The following SH3BGRL2 variants were observed in gnomAD, a reference collection of about 807,000 sequenced individuals.
SH3BGRL2 encodes SH3 domain binding glutamate rich protein like 2.
Under a neutral mutation model 14.8 loss-of-function variants are expected in SH3BGRL2, and 21 were observed. The ratio of observed to expected loss-of-function variants is 1.42; its 90% CI spans 1.01 to 2.05. SH3BGRL2 has a LOEUF of 2.05. Among genes scored for constraint, SH3BGRL2 ranks in the 30% most tolerant of loss-of-function variants. The pLI is 0.00. For synonymous variants in SH3BGRL2, 50 were observed against 47.8 expected, an observed-to-expected ratio of 1.05 and a Z score of -0.19; for missense variants, 147 against 130.8, an observed-to-expected ratio of 1.12 and a Z score of -0.61.
intron 2 of SH3BGRL2, among the ~76,000 whole-genome samples, chr6:79,679,385 A>ATT (rs756434186): frequency 1.4e-4 from 19 of 132,248 alleles, no homozygotes; most frequent in African/African-American, 5.0e-4. Context: ...TTTTTTTTTC[A>ATT]TTTTTTTTTT....
chr6:79,595,579 A>G, the SH3BGRL2 span, among the ~76,000 whole-genome samples: 1 of 152,236 alleles, frequency 6.6e-6, no homozygotes, highest in Non-Finnish European at 1.5e-5. Flanking sequence ...TAAAAACCAT[A>G]TGATCATTTC....
chr6:79,674,941 T>C (rs1429257140), intron 2 of SH3BGRL2, among the ~76,000 whole-genome samples: 17 of 152,206 alleles, frequency 1.1e-4, no homozygotes. Flanking sequence ...GCATATTATA[T>C]AAAAATGAAA....
At chr6:79,607,948 A>AAAAAAG in the SH3BGRL2 span, among the ~76,000 whole-genome samples, 5 of 152,148 alleles carry the variant, frequency 3.3e-5, no homozygotes, top group East Asian at 1.9e-4. Flanking sequence ...TCCATCTCAA[A>AAAAAAG]AAAAAGAAAA....
upstream of SH3BGRL2, among the ~76,000 whole-genome samples, chr6:79,630,891 T>A (rs1582709066): frequency 6.6e-6 from 1 of 152,066 alleles, no homozygotes; most frequent in South Asian, 2.1e-4. Context: ...GGCTCGCCGA[T>A]CCCGCCTGCT....
intron 1 of SH3BGRL2, among the ~76,000 whole-genome samples, chr6:79,666,522 A>G (rs1311589512): frequency 6.6e-6 from 1 of 152,066 alleles, no homozygotes; most frequent in East Asian, 1.9e-4. Flanking sequence ...ATGGTGTTTT[A>G]TTTAAAGAAT....
In SH3BGRL2 at chr6:79,686,890, A is replaced by G. The variant is rs2127737206; in HGVS notation, c.232-9595A>G. Among the ~76,000 whole-genome samples, 3 of 152,268 alleles carry G rather than the reference A, an allele frequency of 2.0e-5. No individual in the cohort carries two copies. The South Asian group carries it at 6.2e-4, about 32-fold the overall frequency. On this transcript the variant is annotated intron_variant, in intron 2 of 3. Transcript: ENST00000369838. ...CTCCTCAGGTGCCCGTGAAAGAGCCACACCCAGGCAGCAATGGACTTCAGT... is the reference window on the plus strand; with the variant it reads ...CTCCTCAGGTGCCCGTGAAAGAGCCGCACCCAGGCAGCAATGGACTTCAGT...
At chr6:79,542,934 A>G in the SH3BGRL2 span, among the ~76,000 whole-genome samples, 1 of 152,354 alleles carries the variant, frequency 6.6e-6, no homozygotes, top group African/African-American at 2.4e-5. Flanking sequence ...TACAGAGAAC[A>G]GCTAACAGTT....
chr6:79,598,609 G>C, the SH3BGRL2 span, among the ~76,000 whole-genome samples: 1 of 152,070 alleles, frequency 6.6e-6, no homozygotes, highest in Non-Finnish European at 1.5e-5. Context: ...GGGGGACTGA[G>C]AAATAACTGC....
chr6:79,557,304 T>C, the SH3BGRL2 span, among the ~76,000 whole-genome samples: 1 of 151,782 alleles, frequency 6.6e-6, no homozygotes, highest in Non-Finnish European at 1.5e-5. Context: ...AAATACAGAA[T>C]TATAATTGTC....
At chr6:79,660,667 G>T (rs1024733145) in intron 1 of SH3BGRL2, among the ~76,000 whole-genome samples, 3 of 152,184 alleles carry the variant, frequency 2.0e-5, no homozygotes, top group Admixed American at 6.5e-5. Context: ...ATGAGTTAGG[G>T]AGGATTCCGT....
At chr6:79,543,211 A>C in the SH3BGRL2 span, among the ~76,000 whole-genome samples, 1 of 152,140 alleles carries the variant, frequency 6.6e-6, no homozygotes, top group African/African-American at 2.4e-5. Context: ...TAATATCCAA[A>C]TTATTTCAAC....
At chr6:79,617,876 T>C in the SH3BGRL2 span, among the ~76,000 whole-genome samples, 2 of 152,236 alleles carry the variant, frequency 1.3e-5, no homozygotes, top group Non-Finnish European at 2.9e-5. Flanking sequence ...ACATGAAATA[T>C]GATCACTTGG....
chr6:79,651,537 T>C (rs1006840534), intron 1 of SH3BGRL2, among the ~76,000 whole-genome samples: 1 of 152,214 alleles, frequency 6.6e-6, no homozygotes, highest in African/African-American at 2.4e-5. Flanking sequence ...TAATGCAGAC[T>C]AAAAGTAGTT....
chr6:79,682,380 T>C (rs879675293), intron 2 of SH3BGRL2, among the ~76,000 whole-genome samples: 8 of 152,224 alleles, frequency 5.3e-5, no homozygotes, highest in East Asian at 1.9e-4. Flanking sequence ...AGGTTCTTCA[T>C]GCTTCAAAAC....
chr6:79,631,167 G>T (rs909137771), upstream of SH3BGRL2: 3 of 337,240 alleles, frequency 8.9e-6, no homozygotes, highest in South Asian at 1.5e-4. Context: ...ATAGAAGCGC[G>T]GTCAGGAGGG....
At chr6:79,553,650 T>C in the SH3BGRL2 span, among the ~76,000 whole-genome samples, 1 of 147,592 alleles carries the variant, frequency 6.8e-6, no homozygotes, top group Non-Finnish European at 1.5e-5. Flanking sequence ...GTGAAGTATC[T>C]CTGATAATGT....
chr6:79,616,745 T>C, the SH3BGRL2 span, among the ~76,000 whole-genome samples: 3 of 152,152 alleles, frequency 2.0e-5, no homozygotes, highest in East Asian at 5.8e-4. Context: ...CATTCAGGGG[T>C]AGGACAAGAT....
the SH3BGRL2 span, among the ~76,000 whole-genome samples, chr6:79,562,724 C>G: frequency 2.5e-3 from 374 of 152,292 alleles, 1 homozygote; most frequent in Non-Finnish European, 4.4e-3. Context: ...TTTGGCTTCT[C>G]TGGGCCACAT....
the SH3BGRL2 span, among the ~76,000 whole-genome samples, chr6:79,578,027 C>T: frequency 1.3e-5 from 2 of 152,360 alleles, no homozygotes; most frequent in East Asian, 3.9e-4. Context: ...GCTAGCGCAG[C>T]AGTCTGAGAT....
Sources: gnomAD v4.1 joint callset for allele counts (sites outside exome capture counted in the v4.1 genomes callset) on GRCh38, gnomAD v4.1.1 for gene constraint, MANE v1.5 for transcripts, NCBI Gene and HGNC (gene_info 2026-07-23, HGNC 2026-07-21) for gene names.